The following FAM186B variants were observed in gnomAD, a reference collection of about 807,000 sequenced individuals.
FAM186B encodes family with sequence similarity 186 member B, also known as protein FAM186B.
A neutral mutation model predicts 83.4 loss-of-function variants in FAM186B; 68 were observed. The ratio of observed to expected loss-of-function variants is 0.81; its 90% confidence interval spans 0.67 to 1.00. The LOEUF is 1.00. FAM186B is among the 50% of genes least tolerant of loss of function. The pLI is 0.00. For missense variants in FAM186B, 983 were observed against 1,099.2 expected (o/e 0.89, Z 1.49); for synonymous variants, 389 against 422.0 (o/e 0.92, Z 0.96).
rs1269810060 is a variant in FAM186B at position 49,600,640 on chromosome 12, C to A, written c.1000G>T (p.Val334Phe). The change falls in exon 4 of 7, where the codon GTT (valine) becomes TTT (phenylalanine). Residue 334 changes from valine (V) to phenylalanine (F), a missense_variant. Transcript: ENST00000257894. This position sits in a 1 kb window ranked among gnomAD's most constrained non-coding sequence, Gnocchi z 4.3. ...GAGGGACCTGGGGAGTCAACAGAAA[C>A]CTCAGCCAGGTCTTCTGCCTGACCT... is the stretch of plus-strand genomic sequence containing the variant. ...ATGQAEDLAE[V>F]SVDSPGPSER... 1 of 1,613,606 alleles carries A rather than the reference C, an allele frequency of 6.2e-7. No individual in the cohort carries two copies. Among genetic ancestry groups the A allele is most frequent in the Non-Finnish European group, 8.5e-7 (1 of 1,179,780 alleles).
intron 5 of FAM186B, among the ~76,000 whole-genome samples, chr12:49,597,645 T>C (rs1939760064): frequency 6.6e-6 from 1 of 152,180 alleles, no homozygotes; most frequent in South Asian, 2.1e-4. Context: ...GGCAACTATG[T>C]GAGATGATGG....
chr12:49,617,328 C>T, the FAM186B span, among the ~76,000 whole-genome samples: 2 of 152,116 alleles, frequency 1.3e-5, no homozygotes, highest in African/African-American at 4.8e-5. Flanking sequence ...GCAGACGGCT[C>T]GAGCCCAGAA....
intron 5 of FAM186B, among the ~76,000 whole-genome samples, chr12:49,592,811 CAA>C (rs779929257): frequency 1.3e-5 from 2 of 151,654 alleles, no homozygotes; most frequent in Non-Finnish European, 2.9e-5. Flanking sequence ...AATAACAAAA[CAA>C]AGAGGTATGG....
Position 49,599,695 on chromosome 12 carries a change from A to T in FAM186B, c.1945T>A (p.Ser649Thr), listed in dbSNP as rs1939822693. Reference protein sequence around the residue: ...GTSIRRLTWPSLQISPANIKK... With the variant: ...GTSIRRLTWPTLQISPANIKK... Reference sequence around the variant, plus strand: ...ATATTTGCAGGGGATATCTGCAAAGAGGGCCAGGTCAGCCTTCGGATGGAT... The same window carrying T: ...ATATTTGCAGGGGATATCTGCAAAGTGGGCCAGGTCAGCCTTCGGATGGAT... Residue 649 changes from serine to threonine, a missense_variant, in exon 4 of 7, where the codon TCT becomes ACT. Ser to Thr is a moderately conservative substitution (Grantham distance 58). Coordinates refer to ENST00000257894, the MANE Select transcript of FAM186B (RefSeq NM_032130.3). 6.2e-7 allele frequency: 1 copy of T among 1,610,402 alleles called. No individual in the cohort carries two copies. Among genetic ancestry groups the T allele is most frequent in the South Asian group, 1.1e-5 (1 of 90,474 alleles).
chr12:49,599,406 G>A, intron 4 of FAM186B, 63 bp downstream of exon 4: 1 of 1,491,682 alleles, frequency 6.7e-7, no homozygotes, highest in Non-Finnish European at 8.9e-7. Flanking sequence ...TCTCCCACTG[G>A]GTTTAGGCTC....
chr12:49,614,380 T>C, the FAM186B span, among the ~76,000 whole-genome samples: 1 of 152,258 alleles, frequency 6.6e-6, no homozygotes, highest in Admixed American at 6.5e-5. Flanking sequence ...ATACACACCA[T>C]GGAATACTAG....
Position 49,587,735 on chromosome 12 carries a change from A to C in FAM186B, c.2552T>G (p.Met851Arg). ...CACCTCGGTCTTCCAGACAGCCTCC[A>C]TCTGCTTCCCCTGTTGGCTGGGAGT... The part of the protein sequence containing the change: ...LQMARQQGKQ[M>R]EAVWKTEVAS... The change falls in exon 7 of 7, where the codon ATG (methionine) becomes AGG (arginine). Residue 851 changes from methionine (M) to arginine (R), a missense_variant. Coordinates refer to ENST00000257894, the MANE Select transcript of FAM186B (RefSeq NM_032130.3). The C allele has an allele frequency of 6.2e-7, 1 of 1,613,656 alleles. No homozygotes were observed. Among genetic ancestry groups the C allele is most frequent in the Non-Finnish European group, 8.5e-7 (1 of 1,179,838 alleles).
intron 5 of FAM186B, among the ~76,000 whole-genome samples, chr12:49,596,323 CAAAAA>C (rs933362822): frequency 1.1e-4 from 7 of 64,308 alleles, no homozygotes; most frequent in Non-Finnish European, 2.3e-4. Flanking sequence ...ACCCCCGTCT[CAAAAA>C]AAAAAAAAAA....
intron 4 of FAM186B, 60 bp from the exon 5 acceptor site, chr12:49,599,007 G>A: frequency 6.6e-7 from 1 of 1,524,342 alleles, no homozygotes; most frequent in Non-Finnish European, 9.0e-7. Flanking sequence ...CCCCAAGTCT[G>A]TTAACCAGAG....
chr12:49,619,159 G>A, the FAM186B span, among the ~76,000 whole-genome samples: 6 of 152,146 alleles, frequency 3.9e-5, no homozygotes, highest in African/African-American at 9.7e-5. Flanking sequence ...CAGCAAAAAC[G>A]CAAAGTTCCA....
At chr12:49,608,229 G>A (rs368430539), upstream of FAM186B, among the ~76,000 whole-genome samples, 16 of 150,066 alleles carry the variant, frequency 1.1e-4, no homozygotes, top group East Asian at 6.1e-4. Flanking sequence ...GGTGGCTCAT[G>A]CCTGTAATCC....
At chr12:49,589,533 T>C (rs1379040411) in intron 5 of FAM186B, among the ~76,000 whole-genome samples, 1 of 152,134 alleles carries the variant, frequency 6.6e-6, no homozygotes, top group African/African-American at 2.4e-5. Context: ...ACTCAATACT[T>C]GTATAATGGG....
At chr12:49,611,185 C>G in the FAM186B span, among the ~76,000 whole-genome samples, 2 of 151,788 alleles carry the variant, frequency 1.3e-5, no homozygotes, top group Non-Finnish European at 2.9e-5. Context: ...CCAGCCTGGC[C>G]AACATGGTGA....
chr12:49,595,916 G>A (rs1939709226), intron 5 of FAM186B, among the ~76,000 whole-genome samples: 1 of 152,210 alleles, frequency 6.6e-6, no homozygotes, highest in Non-Finnish European at 1.5e-5. Context: ...CCTGGGAGGC[G>A]GAGCTTGCAG....
the FAM186B span, among the ~76,000 whole-genome samples, chr12:49,613,718 A>T: frequency 1.1e-3 from 162 of 151,788 alleles, no homozygotes; most frequent in Non-Finnish European, 2.1e-3. Context: ...ATGTACCTGT[A>T]GTTCCAGCTA....
chr12:49,599,860 A>C lies in FAM186B; in HGVS notation c.1780T>G (p.Leu594Val), dbSNP rs1282573459. ...TGCTGGGTACTAGGAGACATGGGCA[A>C]GTGTGGCCTCCTGCTTTGGTGAGCA... is the stretch of plus-strand genomic sequence containing the variant. ...QSAHQSRRPH[L>V]PMSPSTQQPA... Residue 594 changes from leucine (L) to valine (V), a missense_variant, in exon 4 of 7, where the codon TTG becomes GTG. By Grantham distance (32) the Leu-to-Val change is conservative. Transcript: ENST00000257894. 1.2e-6 allele frequency: 2 copies of C among 1,608,550 alleles called. No homozygotes were observed. The highest frequency in any genetic ancestry group is 1.7e-6 in the Non-Finnish European group (2 of 1,176,806).
Position 49,587,529 on chromosome 12 carries a change from G to C in FAM186B, c.*76C>G. On this transcript the variant is annotated 3_prime_UTR_variant, in exon 7 of 7. Coordinates refer to ENST00000257894, the MANE Select transcript of FAM186B (RefSeq NM_032130.3). ...GTTAAAGCCTGGAGAGAGATTTATT[G>C]GGGAGAATCCACATTGACCATCAGC... is the stretch of plus-strand genomic sequence containing the variant. 1 of 1,565,560 alleles carries C rather than the reference G, an allele frequency of 6.4e-7. No homozygotes were observed. Among genetic ancestry groups the C allele is most frequent in the Admixed American group, 1.7e-5 (1 of 59,894 alleles).
At chr12:49,595,325 T>G in intron 5 of FAM186B, 40 of 593,440 alleles carry the variant, frequency 6.7e-5, no homozygotes, top group Middle Eastern at 3.0e-4. Context: ...CCATATGACA[T>G]AGTAGTTCTA....
chr12:49,600,181 C>G lies in FAM186B; in HGVS notation c.1459G>C (p.Glu487Gln). Residue 487 changes from glutamate (E) to glutamine (Q), a missense_variant, in exon 4 of 7, where the codon GAG (glutamate) becomes CAG (glutamine). Coordinates refer to ENST00000257894, the MANE Select transcript of FAM186B (RefSeq NM_032130.3). This position sits in a 1 kb window ranked among gnomAD's most constrained non-coding sequence, Gnocchi z 4.3. ...TCCAGCCACAGCTGCCTCCGCATCT[C>G]CCGGCCGAATTCCTCCTCCCAGGGC... The part of the protein sequence containing the change: ...EEPWEEEFGR[E>Q]MRRQLWLEEE... 2 of 1,613,504 alleles carry G rather than the reference C, an allele frequency of 1.2e-6. No individual in the cohort carries two copies. Among genetic ancestry groups the G allele is most frequent in the Non-Finnish European group, 1.7e-6 (2 of 1,179,564 alleles).
Sources: allele counts gnomAD v4.1 joint callset (sites outside exome capture counted in the v4.1 genomes callset), GRCh38; gene constraint gnomAD v4.1.1; non-coding constraint Gnocchi (gnomAD v3.1); transcripts MANE v1.5; gene names NCBI Gene and HGNC (gene_info 2026-07-23, HGNC 2026-07-21).